CRPPA: variants seen among roughly 807,000 people sequenced by gnomAD.
CRPPA encodes the protein CDP-L-ribitol pyrophosphorylase A.
CRPPA carries 43 observed loss-of-function variants against 52.0 expected under a neutral mutation model. That is an observed-to-expected ratio of 0.83 (90% CI 0.65 to 1.07). The LOEUF (loss-of-function observed/expected upper bound fraction) is 1.07. CRPPA is among the 50% of genes least tolerant of loss of function. The pLI is 0.00. For synonymous variants in CRPPA, 250 were observed against 203.5 expected, an observed-to-expected ratio of 1.23 and a Z score of -1.94; for missense variants, 629 against 551.7, an observed-to-expected ratio of 1.14 and a Z score of -1.40.
At chr7:16,219,585 A>G (rs1474372334) in intron 8 of CRPPA, among the ~76,000 whole-genome samples, 1 of 122,142 alleles carries the variant, frequency 8.2e-6, no homozygotes, top group Admixed American at 9.5e-5. Context: ...AATCAAAGAG[A>G]TGCAATAAAA....
Position 16,091,704 on chromosome 7 carries a change from C to G in CRPPA, c.1347G>C (p.Leu449=). The stretch of plus-strand genomic sequence containing the variant: ...TAATTTTTTGTGTTCTTCATGCTAT[C>G]AGAAGCTGACCAATGAGTCCAGAAT... ...ERNSGLIGQL[L]IA is the part of the protein sequence containing the mutation. The change falls in exon 10 of 10, where the codon CTG becomes CTC. Residue 449 remains leucine (L), a synonymous_variant. Coordinates refer to ENST00000407010, the MANE Select transcript of CRPPA (RefSeq NM_001101426.4). The G allele has an allele frequency of 2.6e-6, 4 of 1,545,292 alleles. No homozygotes were observed. The highest frequency in any genetic ancestry group is 3.5e-6 in the Non-Finnish European group (4 of 1,140,816).
At chr7:16,390,619 G>T (rs1192261237) in intron 2 of CRPPA, among the ~76,000 whole-genome samples, 1 of 152,126 alleles carries the variant, frequency 6.6e-6, no homozygotes, top group Admixed American at 6.5e-5. Flanking sequence ...TTCCAGAGCT[G>T]CATCCTCATA....
At chr7:16,420,852 G>C (rs1457276271) in intron 1 of CRPPA, among the ~76,000 whole-genome samples, 2 of 152,220 alleles carry the variant, frequency 1.3e-5, no homozygotes, top group African/African-American at 4.8e-5. Context: ...GGGACGTAAA[G>C]GGCTCTGTGG....
intron 9 of CRPPA, among the ~76,000 whole-genome samples, chr7:16,195,913 AC>A (rs71549975): frequency 1.3e-5 from 2 of 151,978 alleles, no homozygotes; most frequent in African/African-American, 4.8e-5. Context: ...GGCCCTGCCA[AC>A]CCCCCTTCCC....
chr7:16,091,948 C>T (rs1781846763), intron 9 of CRPPA, 149 bp from the exon 10 acceptor site: 3 of 467,858 alleles, frequency 6.4e-6, no homozygotes, highest in African/African-American at 4.1e-5. Context: ...ACACGGTTCC[C>T]CGAATAAAGA....
In CRPPA at chr7:16,089,774, C is replaced by G. The variant is rs1326726961; in HGVS notation, c.*1921G>C. ...GCCTAGGGTAATGTCATAGTAAGTA[C>G]TCTGAGATAAATTCTTGTCTGCTGT... On this transcript the variant is annotated 3_prime_UTR_variant, in exon 10 of 10. Transcript: ENST00000407010. 1 of 178,508 alleles carries G rather than the reference C, an allele frequency of 5.6e-6. No homozygotes were observed. The highest frequency in any genetic ancestry group is 1.2e-5 in the Non-Finnish European group (1 of 81,908). 11.1% of individuals were successfully genotyped at this position (178,508 alleles called of 1,614,324 possible). A position where few individuals can be genotyped will look rare whatever the true frequency, so the allele number is the denominator to read the frequency against.
intron 9 of CRPPA, among the ~76,000 whole-genome samples, chr7:16,129,670 G>A (rs375403584): frequency 1.3e-5 from 2 of 152,122 alleles, no homozygotes; most frequent in East Asian, 3.9e-4. Flanking sequence ...TTGTCAAGGA[G>A]AGGGGAGCTA....
intron 6 of CRPPA, chr7:16,277,163 C>CA (rs2128417439): frequency 6.6e-6 from 1 of 152,092 alleles, no homozygotes; most frequent in Admixed American, 6.5e-5. Flanking sequence ...AATTAGGAAA[C>CA]AGAGCTAACA....
At chr7:16,291,860 C>T (rs1263153153) in intron 5 of CRPPA, among the ~76,000 whole-genome samples, 3 of 151,790 alleles carry the variant, frequency 2.0e-5, no homozygotes, top group African/African-American at 7.2e-5. Context: ...TTTTAAAAAT[C>T]AGATTTTCCT....
At chr7:16,092,841 A>G (rs1399487949) in intron 9 of CRPPA, among the ~76,000 whole-genome samples, 1 of 152,154 alleles carries the variant, frequency 6.6e-6, no homozygotes, top group African/African-American at 2.4e-5. Flanking sequence ...TTCCCCTAAA[A>G]TTACTCAATT....
At chr7:16,418,970 A>G (rs911966240) in intron 1 of CRPPA, among the ~76,000 whole-genome samples, 1 of 152,238 alleles carries the variant, frequency 6.6e-6, no homozygotes, top group African/African-American at 2.4e-5. Flanking sequence ...CACGCAGATA[A>G]AGATCCTGCT....
rs370694015 is a variant in CRPPA at position 16,295,892 on chromosome 7, CTTG to C, written c.835+5526_835+5528del. 1.7e-4 allele frequency among the ~76,000 whole-genome samples: 26 copies of C among 152,204 alleles called. No homozygotes were observed. The East Asian group carries it at 2.9e-3, about 17-fold the overall frequency. On this transcript the variant is annotated intron_variant, in intron 5 of 9. Coordinates refer to ENST00000407010, the MANE Select transcript of CRPPA (RefSeq NM_001101426.4). ...ACAAACTTATCAGTCAGTCCAGTGT[CTTG>C]TTGTACCAATTAATCATACTACTCC...
At chr7:16,252,555 T>A (rs111701134) in intron 8 of CRPPA, among the ~76,000 whole-genome samples, 2,009 of 152,204 alleles carry the variant, frequency 0.013, 45 homozygotes, top group African/African-American at 0.046. Context: ...CGGATATTGG[T>A]CTAAATTTCT....
At chr7:16,409,004 C>A (rs58419085) in intron 1 of CRPPA, among the ~76,000 whole-genome samples, 15,054 of 152,190 alleles carry the variant, frequency 0.099, 901 homozygotes, top group East Asian at 0.24. Flanking sequence ...CAAGTTCAAG[C>A]AATTCTCCTG....
At chr7:16,290,250 T>C (rs924585661) in intron 5 of CRPPA, among the ~76,000 whole-genome samples, 3 of 151,028 alleles carry the variant, frequency 2.0e-5, no homozygotes, top group African/African-American at 7.3e-5. Flanking sequence ...TTCAATACAA[T>C]CCCTATCAAA....
At chr7:16,294,778 G>GGT (rs1207052695) in intron 5 of CRPPA, among the ~76,000 whole-genome samples, 1 of 151,842 alleles carries the variant, frequency 6.6e-6, no homozygotes, top group African/African-American at 2.4e-5. Flanking sequence ...CAACATAAAT[G>GGT]GTGTTATCCC....
At chr7:16,192,841 A>G (rs1048688097) in intron 9 of CRPPA, among the ~76,000 whole-genome samples, 11 of 152,112 alleles carry the variant, frequency 7.2e-5, no homozygotes, top group South Asian at 6.2e-4. Flanking sequence ...CTATTGAATC[A>G]CCTTGACACC....
At chr7:16,321,415 T>A (rs1785262092) in intron 3 of CRPPA, among the ~76,000 whole-genome samples, 1 of 152,018 alleles carries the variant, frequency 6.6e-6, no homozygotes, top group African/African-American at 2.4e-5. Context: ...AGTAGATATA[T>A]CACATGTGAC....
intron 2 of CRPPA, among the ~76,000 whole-genome samples, chr7:16,397,297 A>C (rs538262539): frequency 1.3e-3 from 197 of 152,378 alleles, no homozygotes; most frequent in African/African-American, 4.5e-3. Flanking sequence ...GTGACAAGTC[A>C]CTGACATGTA....
Sources: gnomAD v4.1 joint callset for allele counts (sites outside exome capture counted in the v4.1 genomes callset) on GRCh38, gnomAD v4.1.1 for gene constraint, MANE v1.5 for transcripts, NCBI Gene and HGNC (gene_info 2026-07-23, HGNC 2026-07-21) for gene names.